The following ZMAT1 variants were observed in gnomAD, a reference collection of about 807,000 sequenced individuals.
ZMAT1 encodes the protein zinc finger matrin-type 1.
ZMAT1 carries 11 observed loss-of-function variants against 18.5 expected under a neutral mutation model. The ratio of observed to expected loss-of-function variants is 0.59; its 90% CI spans 0.37 to 0.98. The LOEUF is 0.98. Ranked by LOEUF, ZMAT1 falls within the 50% of genes least tolerant of loss-of-function variation. The probability of loss-of-function intolerance (pLI) is 0.01; values close to 1 mark genes in which losing one functional copy is unlikely to be tolerated. For synonymous variants in ZMAT1, 211 were observed against 176.4 expected (o/e 1.20, Z -1.55); for missense variants, 525 against 496.2 (o/e 1.06, Z -0.55).
At chrX:101,902,081 A>G (rs1436600515) in intron 2 of ZMAT1, among the ~76,000 whole-genome samples, 1 of 112,383 alleles carries the variant, frequency 8.9e-6, no homozygotes, top group Non-Finnish European at 1.9e-5. Context: ...AAAATTTTGA[A>G]GCAGTTTACA....
chrX:101,890,137 C>A (rs898221628), intron 4 of ZMAT1: 5 of 111,735 alleles, frequency 4.5e-5, no homozygotes, highest in Non-Finnish European at 9.4e-5. Context: ...GTGACTGTAT[C>A]TCCAAATCTA....
At chrX:101,918,320 T>C (rs1041387876) in intron 1 of ZMAT1, among the ~76,000 whole-genome samples, 7 of 110,568 alleles carry the variant, frequency 6.3e-5, no homozygotes, top group African/African-American at 2.3e-4. Flanking sequence ...CCATGAAAAG[T>C]AAAGGCCGGG....
At chrX:101,894,377 G>C (rs934786799) in intron 4 of ZMAT1, 1 of 712,513 alleles carries the variant, frequency 1.4e-6, no homozygotes, top group Admixed American at 9.0e-5. Context: ...TAGTATTCAG[G>C]AGGTAGAAGA....
chrX:101,927,463 TAC>T (rs1404112295), intron 1 of ZMAT1, among the ~76,000 whole-genome samples: 2 of 112,275 alleles, frequency 1.8e-5, no homozygotes, highest in African/African-American at 3.2e-5. Flanking sequence ...TTAGCTACTT[TAC>T]ACAGTTATCA....
chrX:101,922,645 G>A (rs1929802042), intron 1 of ZMAT1, among the ~76,000 whole-genome samples: 1 of 111,092 alleles, frequency 9.0e-6, no homozygotes, highest in South Asian at 3.8e-4. Flanking sequence ...CGCCTGCCTT[G>A]GCCTCCCAAA....
chrX:101,893,377 T>C (rs972430539), intron 4 of ZMAT1, among the ~76,000 whole-genome samples: 6 of 111,589 alleles, frequency 5.4e-5, no homozygotes, highest in Admixed American at 9.5e-5. Context: ...TCTCTGAACA[T>C]ATACTCCTAC....
rs369960014 is a variant in ZMAT1, at chrX:101,886,615, T to C, written c.776+17A>G. On this transcript the variant is annotated intron_variant, in intron 5 of 5. Coordinates refer to ENST00000651725, the MANE Select transcript of ZMAT1 (RefSeq NM_001394560.1). Reference sequence around the variant, plus strand: ...TGGTCTTTGGTATCATAGGAAAATTTTGGCAAAAATACTTACTTAATTTGA... The same window carrying C: ...TGGTCTTTGGTATCATAGGAAAATTCTGGCAAAAATACTTACTTAATTTGA... The C allele has an allele frequency of 7.0e-6, 8 of 1,149,300 alleles. No homozygotes were observed. The highest frequency in any genetic ancestry group is 7.1e-6 in the Non-Finnish European group (6 of 849,037). The allele number at this position is 1,149,300 out of a possible 1,213,427, so 94.7% of individuals were successfully genotyped here. A position where few individuals can be genotyped will look rare whatever the true frequency, so the allele number is the denominator to read the frequency against.
intron 1 of ZMAT1, chrX:101,918,367 A>C (rs1468799772): frequency 9.2e-6 from 1 of 108,999 alleles, no homozygotes; most frequent in Non-Finnish European, 1.9e-5. Flanking sequence ...GCACTTTGGG[A>C]AGCCAAGGTG....
intron 1 of ZMAT1, among the ~76,000 whole-genome samples, chrX:101,929,118 T>C (rs1384176077): frequency 2.7e-5 from 3 of 109,920 alleles, no homozygotes; most frequent in East Asian, 2.8e-4. Context: ...CTAATCTCCA[T>C]TGACATTTGT....
chrX:101,911,969 C>G (rs1465927312), intron 1 of ZMAT1: 8 of 1,199,816 alleles, frequency 6.7e-6, no homozygotes, highest in African/African-American at 1.8e-5. Context: ...CACTCAGCAC[C>G]GGAGGATCCA....
chrX:101,899,823 A>C (rs111783242), intron 2 of ZMAT1, among the ~76,000 whole-genome samples: 1 of 112,099 alleles, frequency 8.9e-6, no homozygotes, highest in East Asian at 2.8e-4. Flanking sequence ...GATAGCCAGT[A>C]GTGGGATTGC....
At position 101,930,470 on chromosome X, in the gene ZMAT1, G is replaced by C. The variant is rs375150957; in HGVS notation, c.292+1247C>G. On this transcript the variant is annotated intron_variant, in intron 1 of 5. Transcript: ENST00000651725. ...AATGTGCCTATACAAATATTGTAAG[G>C]GATTTTTTTTCTACTTTGCCATTCC... Among the ~76,000 whole-genome samples, 27 of 112,089 alleles carry C rather than the reference G, an allele frequency of 2.4e-4. No individual in the cohort carries two copies. The South Asian group carries it at 9.1e-3, about 38-fold the overall frequency.
intron 4 of ZMAT1, among the ~76,000 whole-genome samples, chrX:101,895,654 G>T (rs1340386901): frequency 9.4e-6 from 1 of 105,914 alleles, no homozygotes; most frequent in Non-Finnish European, 2.0e-5. Context: ...ATGTCTCCCT[G>T]GCTTCATTTC....
chrX:101,886,654 G>T lies in ZMAT1; in HGVS notation c.754C>A (p.Gln252Lys). 1 of 1,204,225 alleles carries T rather than the reference G, an allele frequency of 8.3e-7. No individual in the cohort carries two copies. Residue 252 changes from glutamine to lysine, a missense_variant, in exon 5 of 6, where the codon CAA (glutamine) becomes AAA (lysine). Physicochemically the swap from Gln to Lys is moderately conservative, Grantham distance 53 (BLOSUM62 1). Coordinates refer to ENST00000651725, the MANE Select transcript of ZMAT1 (RefSeq NM_001394560.1). The part of the protein sequence containing the change: ...TSLDMFRSHM[Q>K]GSEHQIKESI... The stretch of plus-strand genomic sequence containing the variant: ...TACTTAATTTGATGTTCACTTCCTT[G>T]CATGTGGGACCGGAACATATCTAAA...
At chrX:101,928,741 T>C (rs760984555) in intron 1 of ZMAT1, among the ~76,000 whole-genome samples, 2 of 112,580 alleles carry the variant, frequency 1.8e-5, no homozygotes, top group Non-Finnish European at 3.7e-5. Context: ...GATAGTCTTG[T>C]TAGGGCATTG....
At chrX:101,929,441 A>ATTCTATATATATAGAT (rs1556311990) in intron 1 of ZMAT1, among the ~76,000 whole-genome samples, 4 of 85,100 alleles carry the variant, frequency 4.7e-5, no homozygotes, top group Non-Finnish European at 8.8e-5. Flanking sequence ...ATATATATAT[A>ATTCTATATATATAGAT]TATATATATA....
chrX:101,917,793 C>T (rs1444643927), intron 1 of ZMAT1, among the ~76,000 whole-genome samples: 1 of 112,507 alleles, frequency 8.9e-6, no homozygotes. Flanking sequence ...CCGAAGTGTC[C>T]ACCAACAGAT....
intron 4 of ZMAT1, chrX:101,889,446 C>T (rs1321160527): frequency 9.0e-6 from 1 of 111,376 alleles, no homozygotes; most frequent in African/African-American, 3.3e-5. Flanking sequence ...TAATCATAAC[C>T]CTATCTCATA....
chrX:101,886,074 G>C (rs1926922839), intron 5 of ZMAT1, among the ~76,000 whole-genome samples: 1 of 111,817 alleles, frequency 8.9e-6, no homozygotes, highest in South Asian at 3.7e-4. Context: ...TCCTCTCCTT[G>C]AAATAACAGA....
Sources: allele counts gnomAD v4.1 joint callset (sites outside exome capture counted in the v4.1 genomes callset), GRCh38; gene constraint gnomAD v4.1.1; transcripts MANE v1.5; gene names NCBI Gene and HGNC (gene_info 2026-07-23, HGNC 2026-07-21).